SLC4A4: variants seen among roughly 807,000 people sequenced by gnomAD.
SLC4A4 encodes the protein solute carrier family 4 member 4.
Under a neutral mutation model 111.5 loss-of-function variants are expected in SLC4A4, and 27 were observed. That is an observed-to-expected ratio of 0.24 (90% CI 0.18 to 0.33). SLC4A4 has a LOEUF of 0.33. SLC4A4 is among the 10% of genes least tolerant of loss of function. SLC4A4 has a pLI of 1.00. For missense variants in SLC4A4, 909 were observed against 1,315.5 expected (o/e 0.69, Z 4.78); for synonymous variants, 443 against 463.4 (o/e 0.96, Z 0.57).
At chr4:71,224,175 C>G (rs1485810795) in intron 1 of SLC4A4, among the ~76,000 whole-genome samples, 1 of 152,112 alleles carries the variant, frequency 6.6e-6, no homozygotes, top group Non-Finnish European at 1.5e-5. Context: ...ACAGCCACTT[C>G]TTCTCTGAGC....
chr4:71,156,068 A>G (rs1744454832), intron 2 of SLC4A4, among the ~76,000 whole-genome samples: 1 of 152,162 alleles, frequency 6.6e-6, no homozygotes, highest in Admixed American at 6.5e-5. Context: ...CTTCCTTATT[A>G]TGTTGTTTTC....
At chr4:71,116,186 G>A (rs986312405) in intron 2 of SLC4A4, among the ~76,000 whole-genome samples, 21 of 152,150 alleles carry the variant, frequency 1.4e-4, no homozygotes, top group Admixed American at 7.2e-4. Flanking sequence ...GGGCCACTGC[G>A]CCCGGCCTAT....
At chr4:71,274,425 A>G (rs1363519171) in intron 3 of SLC4A4, among the ~76,000 whole-genome samples, 1 of 152,202 alleles carries the variant, frequency 6.6e-6, no homozygotes. Flanking sequence ...ATTTCCCATT[A>G]AAAATGGTAT....
At chr4:71,315,502 G>A (rs1726610081) in intron 3 of SLC4A4, among the ~76,000 whole-genome samples, 1 of 152,100 alleles carries the variant, frequency 6.6e-6, no homozygotes, top group African/African-American at 2.4e-5. Flanking sequence ...CCAAGCCATG[G>A]TACAGGCACT....
intron 2 of SLC4A4, among the ~76,000 whole-genome samples, chr4:71,140,587 G>C (rs1743968611): frequency 6.6e-6 from 1 of 152,012 alleles, no homozygotes; most frequent in African/African-American, 2.4e-5. Context: ...TTCCAAAGCT[G>C]CTCTGCCCCA....
At chr4:71,510,655 A>T (rs1220182570) in intron 16 of SLC4A4, among the ~76,000 whole-genome samples, 1 of 152,216 alleles carries the variant, frequency 6.6e-6, no homozygotes, top group Non-Finnish European at 1.5e-5. Flanking sequence ...GGATCTTAAA[A>T]AAATAATCCA....
Position 71,357,174 on chromosome 4 carries a change from C to T in SLC4A4, c.717C>T (p.Thr239=). ...KTVSSASRMF[T]NPDNGSPAMT... is the part of the protein sequence containing the mutation. ...TCTCCAGTGCAAGTAGGATGTTTAC[C>T]AACCCTGATAATGGTAATGCAGAGG... The change falls in exon 6 of 26, where the codon ACC becomes ACT. Residue 239 remains threonine, a synonymous_variant. Coordinates refer to ENST00000264485, the MANE Select transcript of SLC4A4 (RefSeq NM_001098484.3). The T allele has an allele frequency of 5.6e-6, 9 of 1,614,106 alleles. No individual in the cohort carries two copies. The highest frequency in any genetic ancestry group is 7.6e-6 in the Non-Finnish European group (9 of 1,179,988).
intron 2 of SLC4A4, among the ~76,000 whole-genome samples, chr4:71,153,657 T>A (rs1450986857): frequency 1.3e-5 from 2 of 152,164 alleles, no homozygotes; most frequent in South Asian, 4.1e-4. Flanking sequence ...TAGTAGGCAC[T>A]CAATATGTCT....
At chr4:71,228,742 A>T (rs572165662) in intron 1 of SLC4A4, among the ~76,000 whole-genome samples, 3 of 152,310 alleles carry the variant, frequency 2.0e-5, no homozygotes, top group East Asian at 3.9e-4. Context: ...TATTGAGGTA[A>T]TTGTAGATTC....
At chr4:71,467,805 G>T (rs1361164993) in intron 13 of SLC4A4, among the ~76,000 whole-genome samples, 1 of 152,114 alleles carries the variant, frequency 6.6e-6, no homozygotes, top group East Asian at 1.9e-4. Flanking sequence ...CTCTAAGAGA[G>T]AATTGCCTTT....
At chr4:71,363,951 A>G (rs1731025407) in intron 6 of SLC4A4, among the ~76,000 whole-genome samples, 1 of 152,206 alleles carries the variant, frequency 6.6e-6, no homozygotes, top group Non-Finnish European at 1.5e-5. Context: ...TTCATCAGGC[A>G]CCATTCTTAT....
chr4:71,535,572 G>A (rs1256198009), intron 18 of SLC4A4, among the ~76,000 whole-genome samples: 3 of 152,062 alleles, frequency 2.0e-5, no homozygotes, highest in South Asian at 2.1e-4. Context: ...TGACAATGAC[G>A]TCCATCAAAA....
At chr4:71,067,435 C>A (rs528180017) in intron 1 of SLC4A4, among the ~76,000 whole-genome samples, 1 of 152,114 alleles carries the variant, frequency 6.6e-6, no homozygotes, top group African/African-American at 2.4e-5. Context: ...ATTATTCAAA[C>A]GTATATCTTG....
At chr4:71,205,251 T>C (rs1717678750) in intron 1 of SLC4A4, among the ~76,000 whole-genome samples, 1 of 152,134 alleles carries the variant, frequency 6.6e-6, no homozygotes, top group African/African-American at 2.4e-5. Flanking sequence ...GGACCTTACT[T>C]TGAGAGCAGT....
At chr4:71,190,237 T>C (rs1465028454) in intron 1 of SLC4A4, among the ~76,000 whole-genome samples, 1 of 152,236 alleles carries the variant, frequency 6.6e-6, no homozygotes, top group Admixed American at 6.5e-5. Flanking sequence ...ATATAAACTC[T>C]TGATACGTTT....
At chr4:71,246,535 C>T (rs998578244) in intron 2 of SLC4A4, among the ~76,000 whole-genome samples, 1 of 152,290 alleles carries the variant, frequency 6.6e-6, no homozygotes, top group African/African-American at 2.4e-5. Context: ...CTGGCTGCAG[C>T]ATTTGAATGA....
chr4:71,473,029 C>T (rs763129789), intron 14 of SLC4A4, 59 bp downstream of exon 14: 239 of 1,587,664 alleles, frequency 1.5e-4, no homozygotes, highest in Non-Finnish European at 1.9e-4. Context: ...GGTGTAGGCT[C>T]CATGCTTGCA....
chr4:71,395,850 C>A (rs189093251), intron 6 of SLC4A4, among the ~76,000 whole-genome samples: 1 of 152,286 alleles, frequency 6.6e-6, no homozygotes, highest in African/African-American at 2.4e-5. Context: ...TATTTATTTA[C>A]ATAAGCTATT....
chr4:71,151,398 T>C (rs1744308583), intron 2 of SLC4A4, among the ~76,000 whole-genome samples: 1 of 152,192 alleles, frequency 6.6e-6, no homozygotes, highest in East Asian at 1.9e-4. Context: ...TCTGCTGACC[T>C]GCTGACCTCT....
Sources: allele counts gnomAD v4.1 joint callset (sites outside exome capture counted in the v4.1 genomes callset), GRCh38; gene constraint gnomAD v4.1.1; transcripts MANE v1.5; gene names NCBI Gene and HGNC (gene_info 2026-07-23, HGNC 2026-07-21).